Variants in DOCK3 observed in about 807,000 individuals in gnomAD.
The protein encoded by DOCK3 is dedicator of cytokinesis protein 3.
In DOCK3, 60 loss-of-function variants were observed where a neutral mutation model predicts 265.6. The ratio of observed to expected loss-of-function variants is 0.23; its 90% CI spans 0.18 to 0.28. The LOEUF (loss-of-function observed/expected upper bound fraction) is 0.28, where lower values mean the gene tolerates loss of function less well. Among genes scored for constraint, DOCK3 ranks in the 10% least tolerant of loss-of-function variants. The probability of loss-of-function intolerance (pLI) is 1.00; values close to 1 mark genes in which losing one functional copy is unlikely to be tolerated. For synonymous variants in DOCK3, 881 were observed against 938.0 expected (o/e 0.94, Z 1.11); for missense variants, 1,981 against 2,594.3 (o/e 0.76, Z 5.14).
chr3:51,016,872 T>C lies in DOCK3; in HGVS notation c.316-47576T>C, dbSNP rs1277030785. On this transcript the variant is annotated intron_variant, in intron 5 of 52. Transcript: ENST00000266037. ...ATATATCATATATAAATATATATGATATATGTTTATATATATAAATATATA... is the reference window on the plus strand; with the variant it reads ...ATATATCATATATAAATATATATGACATATGTTTATATATATAAATATATA... 7.3e-5 allele frequency among the ~76,000 whole-genome samples: 8 copies of C among 110,334 alleles called. 1 individual carries two copies. The highest frequency in any genetic ancestry group is 8.5e-5 in the Non-Finnish European group (5 of 58,486). The allele number at this position is 110,334 out of a possible 152,430, so 72.4% of individuals were successfully genotyped here. A position where few individuals can be genotyped will look rare whatever the true frequency, so the allele number is the denominator to read the frequency against.
intron 10 of DOCK3, among the ~76,000 whole-genome samples, chr3:51,152,875 A>G (rs4432682): frequency 0.91 from 137,507 of 151,038 alleles, 62,729 homozygotes; most frequent in African/African-American, 0.95. Flanking sequence ...TGGAGGCTTC[A>G]TCTCAGAGGG....
At chr3:51,038,255 A>G (rs576118270) in intron 5 of DOCK3, among the ~76,000 whole-genome samples, 5 of 152,316 alleles carry the variant, frequency 3.3e-5, no homozygotes, top group African/African-American at 1.2e-4. Context: ...GTAGGTGGGC[A>G]GGGTTTTAGG....
At chr3:50,791,675 A>G (rs561956454) in intron 2 of DOCK3, among the ~76,000 whole-genome samples, 1 of 152,154 alleles carries the variant, frequency 6.6e-6, no homozygotes, top group Non-Finnish European at 1.5e-5. Flanking sequence ...AGCACCATTT[A>G]TTGAATAGGG....
intron 27 of DOCK3, among the ~76,000 whole-genome samples, chr3:51,289,757 C>T (rs2109125323): frequency 6.6e-6 from 1 of 152,080 alleles, no homozygotes; most frequent in African/African-American, 2.4e-5. Context: ...AGGCAACCTA[C>T]AGAATGGGAG....
Position 50,765,121 on chromosome 3 carries a change from G to A in DOCK3, c.38-13554G>A, listed in dbSNP as rs577203544. On this transcript the variant is annotated intron_variant, in intron 1 of 52. Transcript: ENST00000266037. The stretch of plus-strand genomic sequence containing the variant: ...TTTTGAGACAGAGTCTCGCTTTGTC[G>A]CCCAGGCTGGAGTGCAGTGGCGCAA... Among the ~76,000 whole-genome samples, 6 of 117,878 alleles carry A rather than the reference G, an allele frequency of 5.1e-5. 2 individuals carry two copies. Among genetic ancestry groups the A allele is most frequent in the African/African-American group, 1.9e-4 (6 of 31,062 alleles). The allele number at this position is 117,878 out of a possible 152,430, so 77.3% of individuals were successfully genotyped here.
intron 4 of DOCK3, among the ~76,000 whole-genome samples, chr3:50,912,554 G>C (rs2049913045): frequency 6.6e-6 from 1 of 152,108 alleles, no homozygotes; most frequent in Non-Finnish European, 1.5e-5. Flanking sequence ...TCCCCAGGTG[G>C]GTCCAGAGGT....
chr3:51,059,913 A>C (rs1293511925), intron 5 of DOCK3, among the ~76,000 whole-genome samples: 1 of 152,076 alleles, frequency 6.6e-6, no homozygotes, highest in African/African-American at 2.4e-5. Flanking sequence ...TTCTCCCTCT[A>C]ATAGATTATT....
At chr3:50,858,233 A>G (rs959875291) in intron 3 of DOCK3, among the ~76,000 whole-genome samples, 2 of 151,958 alleles carry the variant, frequency 1.3e-5, no homozygotes, top group Non-Finnish European at 2.9e-5. Context: ...AACAATGAGA[A>G]CACTTGGACA....
chr3:51,056,947 T>C (rs1177603483), intron 5 of DOCK3, among the ~76,000 whole-genome samples: 3 of 152,196 alleles, frequency 2.0e-5, no homozygotes, highest in Admixed American at 6.5e-5. Flanking sequence ...TTATTCTCTT[T>C]GAGGATAGCA....
chr3:51,309,624 C>CGAGAGG lies in DOCK3; in HGVS notation c.2923-603_2923-602insGGAGAG, dbSNP rs1333857503. On this transcript the variant is annotated intron_variant, in intron 27 of 52. Transcript: ENST00000266037. ...GGGAGAGGGAGAGGGAGAGGGAGAGCGAGAGCGAGAGCGAGAGCGAGAGCG... is the reference window on the plus strand; with the variant it reads ...GGGAGAGGGAGAGGGAGAGGGAGAGCGAGAGGGAGAGCGAGAGCGAGAGCGAGAGCG... 4.4e-3 allele frequency among the ~76,000 whole-genome samples: 8 copies of CGAGAGG among 1,810 alleles called. No homozygotes were observed. The East Asian group carries it at 0.17, about 38-fold the overall frequency. The allele number at this position is 1,810 out of a possible 152,430, so 1.2% of individuals were successfully genotyped here.
chr3:50,893,027 C>A (rs866199375), intron 4 of DOCK3, among the ~76,000 whole-genome samples: 1 of 152,076 alleles, frequency 6.6e-6, no homozygotes, highest in Non-Finnish European at 1.5e-5. Context: ...CCCTGAGACT[C>A]TCAGGCTGGA....
chr3:51,219,693 A>G (rs758399465), intron 14 of DOCK3, among the ~76,000 whole-genome samples: 6 of 152,340 alleles, frequency 3.9e-5, no homozygotes, highest in Non-Finnish European at 5.9e-5. Flanking sequence ...TGTGGGACAT[A>G]CTTCACATGA....
At chr3:51,193,969 T>G (rs1394468330) in intron 12 of DOCK3, among the ~76,000 whole-genome samples, 2 of 151,984 alleles carry the variant, frequency 1.3e-5, no homozygotes, top group African/African-American at 4.8e-5. Context: ...TGTTCTTGCT[T>G]TTTTAGTTCC....
chr3:51,269,514 G>A (rs1481066771), intron 23 of DOCK3, among the ~76,000 whole-genome samples: 2 of 152,034 alleles, frequency 1.3e-5, no homozygotes, highest in Non-Finnish European at 1.5e-5. Context: ...CTCCAATTGG[G>A]CCTGGCCTGA....
chr3:51,263,715 G>A (rs1467443195), intron 23 of DOCK3, among the ~76,000 whole-genome samples: 1 of 152,176 alleles, frequency 6.6e-6, no homozygotes, highest in Non-Finnish European at 1.5e-5. Flanking sequence ...AAAATACAGG[G>A]ATGGAGGACT....
chr3:50,881,944 C>T (rs959964088), intron 3 of DOCK3, among the ~76,000 whole-genome samples: 1 of 151,984 alleles, frequency 6.6e-6, no homozygotes, highest in African/African-American at 2.4e-5. Flanking sequence ...TAGAATAGAG[C>T]CCTCGGAAAT....
chr3:50,800,495 G>A (rs1002117812), intron 2 of DOCK3, among the ~76,000 whole-genome samples: 10 of 152,028 alleles, frequency 6.6e-5, no homozygotes, highest in African/African-American at 2.4e-4. Flanking sequence ...AATCACCAAT[G>A]AGCCTTTGTA....
intron 1 of DOCK3, among the ~76,000 whole-genome samples, chr3:50,728,747 G>T (rs1027962930): frequency 2.0e-5 from 3 of 146,844 alleles, no homozygotes; most frequent in African/African-American, 7.5e-5. Flanking sequence ...TTTTGAAATG[G>T]ATTCTTGCTC....
chr3:51,199,820 C>G (rs1381160516), intron 12 of DOCK3, among the ~76,000 whole-genome samples: 2 of 152,196 alleles, frequency 1.3e-5, no homozygotes, highest in Non-Finnish European at 1.5e-5. Flanking sequence ...CGGCCAGGTA[C>G]TCCTCTGAGA....
Sources: gnomAD v4.1 joint callset for allele counts (sites outside exome capture counted in the v4.1 genomes callset) on GRCh38, gnomAD v4.1.1 for gene constraint, MANE v1.5 for transcripts, NCBI Gene and HGNC (gene_info 2026-07-23, HGNC 2026-07-21) for gene names.